GRIK2: variants seen among roughly 807,000 people sequenced by gnomAD.
GRIK2 encodes the protein glutamate ionotropic receptor kainate type subunit 2.
GRIK2 carries 32 observed loss-of-function variants against 100.3 expected under a neutral mutation model. The ratio of observed to expected loss-of-function variants is 0.32; its 90% CI spans 0.24 to 0.43. The LOEUF is 0.43. Ranked by LOEUF, GRIK2 falls within the 20% of genes least tolerant of loss-of-function variation. GRIK2 has a pLI of 1.00. For missense variants in GRIK2, 843 were observed against 1,114.9 expected (o/e 0.76, Z 3.47); for synonymous variants, 417 against 389.4 (o/e 1.07, Z -0.83).
chr6:101,486,509 G>T (rs1251582557), intron 2 of GRIK2, among the ~76,000 whole-genome samples: 2 of 152,028 alleles, frequency 1.3e-5, no homozygotes, highest in Non-Finnish European at 2.9e-5. Flanking sequence ...GTAATGTAGA[G>T]CACCTAGAAG....
intron 4 of GRIK2, among the ~76,000 whole-genome samples, chr6:101,654,168 A>G (rs1426746716): frequency 6.6e-6 from 1 of 152,134 alleles, no homozygotes; most frequent in East Asian, 1.9e-4. Context: ...AACTTAGCAT[A>G]AGCCTTGACC....
intron 12 of GRIK2, among the ~76,000 whole-genome samples, chr6:101,910,483 A>G (rs1788599551): frequency 6.6e-6 from 1 of 151,306 alleles, no homozygotes; most frequent in Non-Finnish European, 1.5e-5. Flanking sequence ...TAGAAGCCAA[A>G]TAGTTAAATA....
chr6:101,547,702 C>G (rs1009538175), intron 2 of GRIK2, among the ~76,000 whole-genome samples: 2 of 152,066 alleles, frequency 1.3e-5, no homozygotes, highest in African/African-American at 4.8e-5. Context: ...GCCACATTTT[C>G]TTAATCCAGT....
At chr6:101,425,830 T>C (rs1776671965) in intron 2 of GRIK2, among the ~76,000 whole-genome samples, 1 of 152,196 alleles carries the variant, frequency 6.6e-6, no homozygotes, top group African/African-American at 2.4e-5. Flanking sequence ...GCGTTATTCC[T>C]GAGGAGAGTT....
In GRIK2 at chr6:101,517,694, C is replaced by T. The variant is rs141478416; in HGVS notation, c.116-104255C>T. Among the ~76,000 whole-genome samples the T allele has an allele frequency of 5.1e-3, 776 of 152,182 alleles. 9 individuals are homozygous for T. The highest frequency in any genetic ancestry group is 0.018 in the African/African-American group (740 of 41,530). On this transcript the variant is annotated intron_variant, in intron 2 of 16. Transcript: ENST00000369134. Reference sequence around the variant, plus strand: ...GGCAAAAACATATTTGACTTTTAGGCCTCTGCTTTGATTACTGAAAATGTG... The same window carrying T: ...GGCAAAAACATATTTGACTTTTAGGTCTCTGCTTTGATTACTGAAAATGTG...
At chr6:102,046,895 C>T (rs1167890362) in intron 15 of GRIK2, among the ~76,000 whole-genome samples, 1 of 151,872 alleles carries the variant, frequency 6.6e-6, no homozygotes, top group Non-Finnish European at 1.5e-5. Context: ...AACTGGAAAT[C>T]AATAACAAGA....
intron 15 of GRIK2, among the ~76,000 whole-genome samples, chr6:102,051,181 T>C (rs1407384868): frequency 2.6e-5 from 4 of 152,128 alleles, no homozygotes; most frequent in African/African-American, 4.8e-5. Context: ...TCAGGTCTTA[T>C]ACATCTGACA....
At chr6:101,675,738 T>A (rs1770787473) in intron 4 of GRIK2, among the ~76,000 whole-genome samples, 1 of 152,202 alleles carries the variant, frequency 6.6e-6, no homozygotes, top group African/African-American at 2.4e-5. Flanking sequence ...TATCAGGTAC[T>A]TCTCTAGGAG....
chr6:101,711,680 A>G (rs1372696358), intron 7 of GRIK2, among the ~76,000 whole-genome samples: 1 of 151,838 alleles, frequency 6.6e-6, no homozygotes, highest in African/African-American at 2.4e-5. Flanking sequence ...TGCTATTGAC[A>G]TACATGTAAG....
chr6:101,982,444 A>AGAC (rs1733335359), intron 14 of GRIK2, among the ~76,000 whole-genome samples: 1 of 151,872 alleles, frequency 6.6e-6, no homozygotes, highest in African/African-American at 2.4e-5. Flanking sequence ...TTGGGGCAAT[A>AGAC]GACTGAGCAG....
chr6:101,470,178 C>T (rs997017021), intron 2 of GRIK2, among the ~76,000 whole-genome samples: 7 of 152,092 alleles, frequency 4.6e-5, no homozygotes, highest in Non-Finnish European at 7.4e-5. Flanking sequence ...TGAATTTTGT[C>T]CCAGTGGCTT....
At chr6:101,606,240 T>A (rs1170813026) in intron 2 of GRIK2, among the ~76,000 whole-genome samples, 1 of 152,028 alleles carries the variant, frequency 6.6e-6, no homozygotes. Context: ...ACTGTGATTA[T>A]CCATTTCAGA....
chr6:101,498,266 A>C (rs1773557114), intron 2 of GRIK2, among the ~76,000 whole-genome samples: 1 of 151,542 alleles, frequency 6.6e-6, no homozygotes, highest in Non-Finnish European at 1.5e-5. Flanking sequence ...CCAGTCTATC[A>C]TTGTTGGACA....
chr6:101,765,286 C>T (rs1278982345), intron 7 of GRIK2, among the ~76,000 whole-genome samples: 5 of 152,140 alleles, frequency 3.3e-5, no homozygotes, highest in Admixed American at 3.3e-4. Context: ...TCCATAAAGG[C>T]AGACCCTACA....
intron 2 of GRIK2, among the ~76,000 whole-genome samples, chr6:101,511,268 G>A (rs1774298444): frequency 6.6e-6 from 1 of 152,174 alleles, no homozygotes; most frequent in African/African-American, 2.4e-5. Flanking sequence ...TACTGGATAA[G>A]ATTTACATGA....
In GRIK2 at chr6:101,657,578, C is replaced by T. The variant is rs576443023; in HGVS notation, c.542-19045C>T. ...CTTGTATAACTCAAGAAAGCAATGG[C>T]CAATTTGAGTATTGGCACGCCTGGA... On this transcript the variant is annotated intron_variant, in intron 4 of 16. Coordinates refer to ENST00000369134, the MANE Select transcript of GRIK2 (RefSeq NM_021956.5). 4.6e-5 allele frequency among the ~76,000 whole-genome samples: 7 copies of T among 152,166 alleles called. No homozygotes were observed. In the South Asian group the frequency reaches 1.5e-3, roughly 32 times the overall value.
chr6:101,400,419 A>G (rs78804959), intron 2 of GRIK2, among the ~76,000 whole-genome samples: 5,142 of 152,256 alleles, frequency 0.034, 146 homozygotes, highest in East Asian at 0.15. Context: ...CTAGTCAGGG[A>G]AAGTTCCCTA....
At chr6:101,431,954 G>A (rs1252546503) in intron 2 of GRIK2, among the ~76,000 whole-genome samples, 1 of 152,078 alleles carries the variant, frequency 6.6e-6, no homozygotes, top group Non-Finnish European at 1.5e-5. Flanking sequence ...AAAACATTAT[G>A]CCTCATTAGA....
At chr6:101,410,648 G>A (rs1461596323) in intron 2 of GRIK2, among the ~76,000 whole-genome samples, 1 of 152,030 alleles carries the variant, frequency 6.6e-6, no homozygotes, top group African/African-American at 2.4e-5. Context: ...TTGAAAAGGT[G>A]TATTGAACTT....
Sources: allele counts gnomAD v4.1 joint callset (sites outside exome capture counted in the v4.1 genomes callset), GRCh38; gene constraint gnomAD v4.1.1; transcripts MANE v1.5; gene names NCBI Gene and HGNC (gene_info 2026-07-23, HGNC 2026-07-21).